Variants in NDUFA9 observed in about 807,000 individuals in gnomAD.
NDUFA9 encodes the protein NADH:ubiquinone oxidoreductase subunit A9.
In NDUFA9, 23 loss-of-function variants were observed where a neutral mutation model predicts 45.9. The observed-to-expected ratio is 0.50, with a 90% CI of 0.36 to 0.71. NDUFA9 has a LOEUF of 0.71. Ranked by LOEUF, NDUFA9 falls within the 30% of genes least tolerant of loss-of-function variation. NDUFA9 has a pLI of 0.00. For synonymous variants in NDUFA9, 176 were observed against 170.5 expected, an observed-to-expected ratio of 1.03 and a Z score of -0.25; for missense variants, 466 against 488.2, an observed-to-expected ratio of 0.95 and a Z score of 0.43.
At chr12:4,664,836 A>T (rs1945843970) in intron 6 of NDUFA9, among the ~76,000 whole-genome samples, 5 of 152,190 alleles carry the variant, frequency 3.3e-5, no homozygotes, top group Admixed American at 1.3e-4. Context: ...GTGTGTTTTT[A>T]TTAGATTCTA....
At chr12:4,661,392 C>T (rs1156457816) in intron 5 of NDUFA9, among the ~76,000 whole-genome samples, 4 of 152,038 alleles carry the variant, frequency 2.6e-5, no homozygotes, top group African/African-American at 9.7e-5. Flanking sequence ...GAGGAAAACA[C>T]GGTTTTTGGG....
intron 6 of NDUFA9, among the ~76,000 whole-genome samples, chr12:4,666,625 GA>G (rs201852788): frequency 0.078 from 11,874 of 152,144 alleles, 614 homozygotes; most frequent in Non-Finnish European, 0.11. Flanking sequence ...ATGTTGAAAA[GA>G]TTATCTTTCC....
At chr12:4,671,748 GAAAT>G (rs1945888408) in intron 8 of NDUFA9, among the ~76,000 whole-genome samples, 1 of 152,084 alleles carries the variant, frequency 6.6e-6, no homozygotes, top group Non-Finnish European at 1.5e-5. Context: ...TGATAGTTCA[GAAAT>G]AAATCTTTAT....
In NDUFA9 at chr12:4,692,264, A is replaced by G. The variant is rs1004732685; in HGVS notation, c.*5156A>G. 6.6e-6 allele frequency: 1 copy of G among 152,194 alleles called. No individual in the cohort carries two copies. The highest frequency in any genetic ancestry group is 6.5e-5 in the Admixed American group (1 of 15,290). 9.4% of individuals were successfully genotyped at this position (152,194 alleles called of 1,614,324 possible). On this transcript the variant is annotated 3_prime_UTR_variant, in exon 11 of 11. Coordinates refer to ENST00000266544, the MANE Select transcript of NDUFA9 (RefSeq NM_005002.5). ...GGAGTAGATTTATCATGAATGATTT[A>G]GTACCATTCTCTTGGTACAATCCTC...
At chr12:4,686,424 G>C (rs1199058887) in intron 10 of NDUFA9, among the ~76,000 whole-genome samples, 1 of 135,534 alleles carries the variant, frequency 7.4e-6, no homozygotes, top group Non-Finnish European at 1.6e-5. Context: ...AAAGTTACTT[G>C]TTTTTTTTTT....
chr12:4,682,663 A>G (rs778975932), intron 9 of NDUFA9, among the ~76,000 whole-genome samples: 2 of 152,180 alleles, frequency 1.3e-5, no homozygotes, highest in Non-Finnish European at 2.9e-5. Context: ...TATTAAATCA[A>G]CCTGATCATG....
At chr12:4,674,478 A>T (rs1945906779) in intron 8 of NDUFA9, among the ~76,000 whole-genome samples, 1 of 152,222 alleles carries the variant, frequency 6.6e-6, no homozygotes, top group Non-Finnish European at 1.5e-5. Context: ...GGGATGGAGG[A>T]ATATTTACCA....
chr12:4,685,787 C>T (rs77560881), intron 10 of NDUFA9, among the ~76,000 whole-genome samples: 2,053 of 152,326 alleles, frequency 0.013, 49 homozygotes, highest in African/African-American at 0.047. Flanking sequence ...TCCACAATCT[C>T]CAGTCTCCTT....
chr12:4,669,300 A>G (rs969486984), intron 7 of NDUFA9, among the ~76,000 whole-genome samples: 1 of 152,216 alleles, frequency 6.6e-6, no homozygotes, highest in Non-Finnish European at 1.5e-5. Context: ...TGAAAATCAA[A>G]ATGGTAGAAT....
At chr12:4,669,510 C>T (rs766430208) in intron 7 of NDUFA9, among the ~76,000 whole-genome samples, 14 of 152,144 alleles carry the variant, frequency 9.2e-5, no homozygotes, top group East Asian at 1.9e-4. Flanking sequence ...ACTTGGATAG[C>T]GGTGATTATT....
intron 1 of NDUFA9, among the ~76,000 whole-genome samples, chr12:4,652,881 T>G (rs1945767527): frequency 6.6e-6 from 1 of 152,290 alleles, no homozygotes; most frequent in African/African-American, 2.4e-5. Context: ...TGAGCTAGGC[T>G]ATTTCTCCAA....
At position 4,654,317 on chromosome 12, in the gene NDUFA9, A is replaced by T. The variant is rs1945776473; in HGVS notation, c.75A>T (p.Thr25=). The T allele has an allele frequency of 1.2e-6, 2 of 1,614,042 alleles. No individual in the cohort carries two copies. The highest frequency in any genetic ancestry group is 1.7e-5 in the Admixed American group (1 of 60,010). The part of the protein sequence containing the change: ...MSRSAITAIA[T]SVCHGPPCRQ... Reference sequence around the variant, plus strand: ...GTTCTGCCATTACTGCAATAGCCACATCTGTGTGTCACGGCCCACCCTGTC... The same window carrying T: ...GTTCTGCCATTACTGCAATAGCCACTTCTGTGTGTCACGGCCCACCCTGTC... Residue 25 remains threonine, a synonymous_variant, in exon 2 of 11, where the codon ACA becomes ACT. Coordinates refer to ENST00000266544, the MANE Select transcript of NDUFA9 (RefSeq NM_005002.5).
Position 4,669,824 on chromosome 12 carries a change from G to T in NDUFA9, c.800+7G>T. On this transcript the variant is annotated splice_region_variant and intron_variant, in intron 8 of 10. Transcript: ENST00000266544. ...AATCCTTTGCTTTCGTTGGGTAAGTGCTTAGAGTTTGAATTTTAAATTGTG... is the reference window on the plus strand; with the variant it reads ...AATCCTTTGCTTTCGTTGGGTAAGTTCTTAGAGTTTGAATTTTAAATTGTG... The T allele has an allele frequency of 6.3e-7, 1 of 1,599,722 alleles. No individual in the cohort carries two copies.
At chr12:4,666,383 A>G (rs1034188380) in intron 6 of NDUFA9, among the ~76,000 whole-genome samples, 5 of 152,046 alleles carry the variant, frequency 3.3e-5, no homozygotes, top group Admixed American at 6.6e-5. Context: ...AGAAGTTTTA[A>G]TTTTGATGTA....
intron 7 of NDUFA9, chr12:4,668,811 A>C (rs1279949233): frequency 5.3e-6 from 2 of 378,460 alleles, no homozygotes; most frequent in Admixed American, 8.0e-5. Flanking sequence ...TGCTGTTCTC[A>C]AATTGCTTTC....
intron 8 of NDUFA9, among the ~76,000 whole-genome samples, chr12:4,676,631 C>A (rs1326068125): frequency 6.6e-6 from 1 of 152,052 alleles, no homozygotes; most frequent in East Asian, 1.9e-4. Flanking sequence ...AACCACTGCT[C>A]AAGTAAATAA....
At position 4,669,738 on chromosome 12, in the gene NDUFA9, C is replaced by G; in HGVS notation, c.724-3C>G. On this transcript the variant is annotated splice_polypyrimidine_tract_variant and splice_region_variant and intron_variant, in intron 7 of 10. Transcript: ENST00000266544. ...CTTAGACATATATTATAATTTCTTA[C>G]AGGTCGTAGATGTATCCAAAGGAAT... is the stretch of plus-strand genomic sequence containing the variant. 1 of 1,573,032 alleles carries G rather than the reference C, an allele frequency of 6.4e-7. No individual in the cohort carries two copies. Among genetic ancestry groups the G allele is most frequent in the Non-Finnish European group, 8.7e-7 (1 of 1,143,708 alleles).
In NDUFA9 at chr12:4,649,175, C is replaced by T. The variant is rs1468932650; in HGVS notation, c.49C>T (p.Arg17Cys). Residue 17 changes from arginine (R) to cysteine (C), a missense_variant and splice_region_variant, in exon 1 of 11, where the codon CGT (arginine) becomes TGT (cysteine). Physicochemically the swap from Arg to Cys is radical, Grantham distance 180 (BLOSUM62 -3). Transcript: ENST00000266544. ...GGTTGTCCGGGTCCTGTCAATGTCA[C>T]GTAAGTGTTACCGGGAACGGCGGCC... ...SRVVRVLSMS[R>C]SAITAIATSV... 5 of 1,603,828 alleles carry T rather than the reference C, an allele frequency of 3.1e-6. No homozygotes were observed. Among genetic ancestry groups the T allele is most frequent in the Admixed American group, 1.7e-5 (1 of 58,640 alleles).
chr12:4,672,769 G>A (rs2067362650), intron 8 of NDUFA9, among the ~76,000 whole-genome samples: 1 of 152,248 alleles, frequency 6.6e-6, no homozygotes. Flanking sequence ...TCCTGGGACA[G>A]AGCATCTGGG....
Sources: gnomAD v4.1 joint callset for allele counts (sites outside exome capture counted in the v4.1 genomes callset) on GRCh38, gnomAD v4.1.1 for gene constraint, MANE v1.5 for transcripts, NCBI Gene and HGNC (gene_info 2026-07-23, HGNC 2026-07-21) for gene names.